Variants in VAT1L observed in about 807,000 individuals in gnomAD.
VAT1L encodes putative NADPH-dependent quinone oxidoreductase VAT1L.
A neutral mutation model predicts 44.1 loss-of-function variants in VAT1L; 34 were observed. The observed-to-expected ratio is 0.77, with a 90% CI of 0.59 to 1.03. The LOEUF is 1.03. Ranked by LOEUF, VAT1L falls within the 50% of genes least tolerant of loss-of-function variation. The pLI is 0.00. For missense variants in VAT1L, 615 were observed against 538.8 expected, an observed-to-expected ratio of 1.14 and a Z score of -1.40; for synonymous variants, 253 against 202.2, an observed-to-expected ratio of 1.25 and a Z score of -2.13.
chr16:77,936,740 C>A (rs1216138910), intron 7 of VAT1L, among the ~76,000 whole-genome samples: 1 of 152,106 alleles, frequency 6.6e-6, no homozygotes, highest in Non-Finnish European at 1.5e-5. Flanking sequence ...GTTACTGTGG[C>A]TCCATCTTGT....
intron 1 of VAT1L, among the ~76,000 whole-genome samples, chr16:77,795,948 C>T (rs942041613): frequency 2.0e-5 from 3 of 151,354 alleles, no homozygotes; most frequent in African/African-American, 7.3e-5. Context: ...GCCTCAGCCT[C>T]CCAAGTAGCT....
rs181938406 is a variant in VAT1L at position 77,794,077 on chromosome 16, G to T, written c.233+5162G>T. On this transcript the variant is annotated intron_variant, in intron 1 of 8. Transcript: ENST00000302536. ...ACCCAAGTGTGCCTAAAACCCAAAT[G>T]GCTCTTTACATTTTGGAGAATCAGA... Among the ~76,000 whole-genome samples, 4 of 152,200 alleles carry T rather than the reference G, an allele frequency of 2.6e-5. No homozygotes were observed. The East Asian group carries it at 5.8e-4, about 22-fold the overall frequency.
chr16:77,849,056 G>C (rs2016783527), intron 3 of VAT1L, among the ~76,000 whole-genome samples: 1 of 152,134 alleles, frequency 6.6e-6, no homozygotes, highest in South Asian at 2.1e-4. Context: ...GGCGGACTAG[G>C]GGAGGGATAG....
chr16:77,802,782 T>A (rs2016087597), intron 1 of VAT1L, among the ~76,000 whole-genome samples: 1 of 152,198 alleles, frequency 6.6e-6, no homozygotes, highest in African/African-American at 2.4e-5. Context: ...CTGTTCAAAC[T>A]CTTCCAGACT....
At chr16:77,802,607 C>G (rs1345880631) in intron 1 of VAT1L, among the ~76,000 whole-genome samples, 2 of 144,010 alleles carry the variant, frequency 1.4e-5, no homozygotes, top group African/African-American at 2.6e-5. Flanking sequence ...GAGCGAGACC[C>G]CATCTCAAAC....
At chr16:77,792,960 C>T (rs2015860795) in intron 1 of VAT1L, among the ~76,000 whole-genome samples, 1 of 152,146 alleles carries the variant, frequency 6.6e-6, no homozygotes. Context: ...TAAACTTTTA[C>T]TTTTGGTTGC....
intron 4 of VAT1L, among the ~76,000 whole-genome samples, chr16:77,868,924 G>A (rs2017002741): frequency 6.6e-6 from 1 of 152,184 alleles, no homozygotes; most frequent in Non-Finnish European, 1.5e-5. Flanking sequence ...AACGACTGCA[G>A]ACCCTGGTGG....
At chr16:77,856,500 A>G (rs1192594474) in intron 3 of VAT1L, among the ~76,000 whole-genome samples, 2 of 152,218 alleles carry the variant, frequency 1.3e-5, no homozygotes, top group African/African-American at 4.8e-5. Flanking sequence ...CAGGCAGTGT[A>G]GTAAGCCTTT....
At position 77,906,977 on chromosome 16, in the gene VAT1L, T is replaced by C. The variant is rs1374565872; in HGVS notation, c.1077+22175T>C. On this transcript the variant is annotated intron_variant, in intron 7 of 8. Coordinates refer to ENST00000302536, the MANE Select transcript of VAT1L (RefSeq NM_020927.3). ...TCAATTTCTTTCATGGGATAAGATA[T>C]AGGGACCTATGAAGTTGGTTACATC... Among the ~76,000 whole-genome samples, 8 of 152,312 alleles carry C rather than the reference T, an allele frequency of 5.3e-5. No individual in the cohort carries two copies. The South Asian group carries it at 1.2e-3, about 24-fold the overall frequency.
At chr16:77,843,606 C>T (rs2145261761) in intron 3 of VAT1L, among the ~76,000 whole-genome samples, 1 of 152,160 alleles carries the variant, frequency 6.6e-6, no homozygotes, top group East Asian at 1.9e-4. Context: ...ATATTTTAAG[C>T]CTCAAGAGCA....
At chr16:77,944,186 C>T (rs1394837941) in intron 7 of VAT1L, among the ~76,000 whole-genome samples, 8 of 152,108 alleles carry the variant, frequency 5.3e-5, no homozygotes, top group South Asian at 2.1e-4. Context: ...TAGCCCCCTG[C>T]AACGAAGAAT....
chr16:77,977,622 G>C lies in VAT1L; in HGVS notation c.1187G>C (p.Ser396Thr), dbSNP rs752609812. ...PLMANDSTET[S>T]EAGEEEEDHE... The stretch of plus-strand genomic sequence containing the variant: ...ATGGCCAATGACAGCACAGAGACCA[G>C]TGAAGCAGGGGAAGAGGAGGAGGAC... The change falls in exon 9 of 9, where the codon AGT becomes ACT. Residue 396 changes from serine to threonine, a missense_variant. Transcript: ENST00000302536. 6 of 1,614,118 alleles carry C rather than the reference G, an allele frequency of 3.7e-6. No individual in the cohort carries two copies. The South Asian group carries it at 5.5e-5, about 15-fold the overall frequency.
At chr16:77,976,179 C>T (rs2018338103) in intron 8 of VAT1L, among the ~76,000 whole-genome samples, 2 of 152,188 alleles carry the variant, frequency 1.3e-5, no homozygotes, top group African/African-American at 4.8e-5. Flanking sequence ...GGTCCTCTCC[C>T]GTGGTGTCTA....
At chr16:77,893,518 A>T (rs2017290039) in intron 7 of VAT1L, among the ~76,000 whole-genome samples, 1 of 152,254 alleles carries the variant, frequency 6.6e-6, no homozygotes, top group South Asian at 2.1e-4. Context: ...CTGTCCACAG[A>T]CAAGTCAAAT....
intron 1 of VAT1L, among the ~76,000 whole-genome samples, chr16:77,794,283 C>G (rs2015888505): frequency 6.6e-6 from 1 of 152,170 alleles, no homozygotes; most frequent in Admixed American, 6.5e-5. Context: ...ACAGTACTAT[C>G]CTGCCTCCCA....
chr16:77,892,871 A>C (rs1281614089), intron 7 of VAT1L: 32 of 1,067,036 alleles, frequency 3.0e-5, no homozygotes, highest in Non-Finnish European at 4.5e-5. Flanking sequence ...CAGGAATGGC[A>C]AGACCAGCAA....
chr16:77,870,599 C>G (rs2017021203), intron 4 of VAT1L, among the ~76,000 whole-genome samples: 1 of 152,206 alleles, frequency 6.6e-6, no homozygotes, highest in Non-Finnish European at 1.5e-5. Flanking sequence ...GGTCTTGGAA[C>G]AGCAACTCTG....
At chr16:77,853,925 C>T (rs58132974) in intron 3 of VAT1L, among the ~76,000 whole-genome samples, 18 of 151,908 alleles carry the variant, frequency 1.2e-4, no homozygotes, top group African/African-American at 2.2e-4. Flanking sequence ...TTCAGGATTT[C>T]GAGACCAGCC....
intron 7 of VAT1L, among the ~76,000 whole-genome samples, chr16:77,897,723 C>T (rs944212992): frequency 1.3e-5 from 2 of 152,222 alleles, no homozygotes; most frequent in African/African-American, 4.8e-5. Context: ...GATCCACCGG[C>T]CTCGGCCTCC....
Sources: allele counts gnomAD v4.1 joint callset (sites outside exome capture counted in the v4.1 genomes callset), GRCh38; gene constraint gnomAD v4.1.1; transcripts MANE v1.5; gene names NCBI Gene and HGNC (gene_info 2026-07-23, HGNC 2026-07-21).